Variants in ARHGAP39 observed in about 807,000 individuals in gnomAD.
ARHGAP39 encodes Rho GTPase activating protein 39, also known as rho GTPase-activating protein 39.
In ARHGAP39, 44 loss-of-function variants were observed where a neutral mutation model predicts 106.9. The ratio of observed to expected loss-of-function variants is 0.41; its 90% CI spans 0.32 to 0.53. The LOEUF (loss-of-function observed/expected upper bound fraction) is 0.53. ARHGAP39 is among the 20% of genes least tolerant of loss of function. The pLI, the probability that ARHGAP39 is intolerant of heterozygous loss-of-function variation, is 0.21. For missense variants in ARHGAP39, 1,496 were observed against 1,577.3 expected (o/e 0.95, Z 0.87); for synonymous variants, 768 against 693.2 (o/e 1.11, Z -1.69).
intron 3 of ARHGAP39, among the ~76,000 whole-genome samples, chr8:144,578,091 A>G (rs1818840468): frequency 6.6e-6 from 1 of 152,220 alleles, no homozygotes; most frequent in Non-Finnish European, 1.5e-5. Flanking sequence ...AAATTAGAAT[A>G]AAGCTGGAAG....
chr8:144,575,627 T>A (rs1443292949), intron 3 of ARHGAP39, among the ~76,000 whole-genome samples: 6 of 152,134 alleles, frequency 3.9e-5, no homozygotes, highest in African/African-American at 1.4e-4. Context: ...CAGCGCCGCC[T>A]TCTGGACACC....
chr8:144,579,402 A>G (rs957230132), intron 3 of ARHGAP39, among the ~76,000 whole-genome samples: 6 of 152,074 alleles, frequency 3.9e-5, no homozygotes, highest in Non-Finnish European at 8.8e-5. Flanking sequence ...TGTGAAATGT[A>G]GGCCCTGGTC....
At chr8:144,580,400 G>T (rs1217759777) in intron 3 of ARHGAP39, among the ~76,000 whole-genome samples, 2 of 152,220 alleles carry the variant, frequency 1.3e-5, no homozygotes, top group Non-Finnish European at 2.9e-5. Flanking sequence ...CCTGCCAGGG[G>T]CTGGGCCAGT....
intron 1 of ARHGAP39, among the ~76,000 whole-genome samples, chr8:144,626,606 C>T (rs559819426): frequency 6.7e-5 from 10 of 149,700 alleles, no homozygotes; most frequent in Admixed American, 2.6e-4. Flanking sequence ...CCGGCGGCCC[C>T]GTTCACGGAG....
rs758497562 is a variant in ARHGAP39 at position 144,545,364 on chromosome 8, G to C, written c.2406C>G (p.Ala802=). 4.4e-6 allele frequency: 7 copies of C among 1,601,494 alleles called. No homozygotes were observed. The South Asian group carries it at 7.7e-5, about 18-fold the overall frequency. The change falls in exon 6 of 12, where the codon GCC becomes GCG. Residue 802 remains alanine (A), a synonymous_variant. Transcript: ENST00000377307. ...AGATGGCCATGAGCTCCCAGCCGCG[G>C]GCCAGGCTCTCCAGGCGGAAGTTCT... ...TTENFRLESL[A]RGWELMAICL...
chr8:144,628,952 G>A (rs778222758), intron 1 of ARHGAP39, among the ~76,000 whole-genome samples: 6 of 152,216 alleles, frequency 3.9e-5, no homozygotes, highest in East Asian at 1.9e-4. Context: ...CCGGGAGGAC[G>A]CGTGCGATTC....
intron 2 of ARHGAP39, among the ~76,000 whole-genome samples, chr8:144,595,989 A>G (rs1481339069): frequency 2.6e-5 from 4 of 152,068 alleles, no homozygotes; most frequent in African/African-American, 9.7e-5. Context: ...CCCCACACCA[A>G]TCACCACAGA....
chr8:144,555,871 T>C (rs983191842), intron 3 of ARHGAP39, among the ~76,000 whole-genome samples: 1 of 152,216 alleles, frequency 6.6e-6, no homozygotes, highest in African/African-American at 2.4e-5. Flanking sequence ...GACACCTGGA[T>C]TTCAGAAGCT....
intron 3 of ARHGAP39, among the ~76,000 whole-genome samples, chr8:144,566,958 C>T (rs1261773736): frequency 6.6e-6 from 1 of 151,472 alleles, no homozygotes; most frequent in African/African-American, 2.4e-5. Flanking sequence ...AGAAATGATG[C>T]AAGCCAGAAG....
rs181884125 is a variant in ARHGAP39, at chr8:144,641,591, C to T, written c.-81-35896G>A. Among the ~76,000 whole-genome samples, 19 of 152,360 alleles carry T rather than the reference C, an allele frequency of 1.2e-4. No individual in the cohort carries two copies. The highest frequency in any genetic ancestry group is 4.6e-4 in the African/African-American group (19 of 41,592). On this transcript the variant is annotated intron_variant, in intron 1 of 11. Transcript: ENST00000377307. The surrounding 1 kb of genome is among the most constrained non-coding windows in gnomAD (Gnocchi z 5.2). ...TCACTCACCCCAGGACTCCATCCTC[C>T]CACACCCCTCAACTTCCAGCTTAGA...
At chr8:144,674,009 G>A (rs1822168782) in intron 1 of ARHGAP39, among the ~76,000 whole-genome samples, 1 of 152,232 alleles carries the variant, frequency 6.6e-6, no homozygotes, top group African/African-American at 2.4e-5. Flanking sequence ...GGAGATGCCA[G>A]GAACCACAGA....
intron 6 of ARHGAP39, among the ~76,000 whole-genome samples, chr8:144,544,591 C>A (rs967691072): frequency 1.3e-5 from 2 of 152,266 alleles, no homozygotes; most frequent in African/African-American, 4.8e-5. Flanking sequence ...ACGGGGCTGT[C>A]TGGCGGATGG....
At position 144,530,025 on chromosome 8, in the gene ARHGAP39, G is replaced by A. The variant is rs1011352495; in HGVS notation, c.*397C>T. 1 of 214,444 alleles carries A rather than the reference G, an allele frequency of 4.7e-6. No homozygotes were observed. The highest frequency in any genetic ancestry group is 9.3e-6 in the Non-Finnish European group (1 of 107,528). 13.3% of individuals were successfully genotyped at this position (214,444 alleles called of 1,614,324 possible). On this transcript the variant is annotated 3_prime_UTR_variant, in exon 12 of 12. Transcript: ENST00000377307. ...CAGGCCAGGACGAGGACAGGAGAAA[G>A]GGAAGGAGAGACCGGGGCGGCTGGG...
Position 144,545,736 on chromosome 8 carries a change from G to C in ARHGAP39, c.2034C>G (p.Cys678Trp). 3 of 1,611,602 alleles carry C rather than the reference G, an allele frequency of 1.9e-6. No individual in the cohort carries two copies. In the South Asian group the frequency reaches 3.3e-5, roughly 18 times the overall value. Residue 678 changes from cysteine (C) to tryptophan (W), a missense_variant, in exon 6 of 12, where the codon TGC becomes TGG. This residue lies in a region of ARHGAP39 where 905 missense variants were observed against 816.4 expected (regional missense o/e 1.11). Transcript: ENST00000377307. ...QSRSGVPSSS[C>W]VFPTFTLRKP... ...TGCGCAGCGTGAAAGTGGGGAAGACGCAGCTGGAGCTGGGAACGCCGCTGC... is the reference window on the plus strand; with the variant it reads ...TGCGCAGCGTGAAAGTGGGGAAGACCCAGCTGGAGCTGGGAACGCCGCTGC...
intron 2 of ARHGAP39, among the ~76,000 whole-genome samples, chr8:144,582,651 C>T (rs4925812): frequency 0.39 from 58,872 of 152,070 alleles, 13,257 homozygotes; most frequent in South Asian, 0.57. Flanking sequence ...CAGGGCCTTA[C>T]GTGGGGAAGG....
rs564126454 is a variant in ARHGAP39 at position 144,600,751 on chromosome 8, A to C, written c.80+4784T>G. ...GTGCGTGTTCAAGGCGTGCGTGCGC[A>C]CTTGTGTACCTACCTGCGTGTGCAT... On this transcript the variant is annotated intron_variant, in intron 2 of 11. Transcript: ENST00000377307. Among the ~76,000 whole-genome samples the C allele has an allele frequency of 3.5e-5, 5 of 141,504 alleles. No individual in the cohort carries two copies. The East Asian group carries it at 1.1e-3, about 32-fold the overall frequency. The allele number at this position is 141,504 out of a possible 152,430, so 92.8% of individuals were successfully genotyped here.
At chr8:144,602,629 G>A (rs1820069202) in intron 2 of ARHGAP39, among the ~76,000 whole-genome samples, 1 of 104,522 alleles carries the variant, frequency 9.6e-6, no homozygotes, top group Non-Finnish European at 2.2e-5. Flanking sequence ...TGTGTGCGTG[G>A]AGGCGTGTGT....
At chr8:144,611,981 C>A (rs181221818) in intron 1 of ARHGAP39, among the ~76,000 whole-genome samples, 4 of 150,492 alleles carry the variant, frequency 2.7e-5, no homozygotes, top group African/African-American at 9.8e-5. Context: ...TGTACTCCAA[C>A]CTGGGTGACA....
rs772017834 is a variant in ARHGAP39 at position 144,547,820 on chromosome 8, G to C, written c.1266C>G (p.Pro422=). ...AGPRHKYAPN[P]GGGSYSLQPS... is the part of the protein sequence containing the mutation. Reference sequence around the variant, plus strand: ...GCTGCAAGGAGTACGAACCACCGCCGGGGTTGGGCGCGTACTTGTGCCGCG... The same window carrying C: ...GCTGCAAGGAGTACGAACCACCGCCCGGGTTGGGCGCGTACTTGTGCCGCG... Residue 422 remains proline, a synonymous_variant, in exon 5 of 12, where the codon CCC becomes CCG. Coordinates refer to ENST00000377307, the MANE Select transcript of ARHGAP39 (RefSeq NM_025251.3). This position sits in a 1 kb window ranked among gnomAD's most constrained non-coding sequence, Gnocchi z 5.2. 94 of 1,591,212 alleles carry C rather than the reference G, an allele frequency of 5.9e-5. 1 individual carries two copies. The East Asian group carries it at 2.0e-3, about 33-fold the overall frequency.
Sources: allele counts gnomAD v4.1 joint callset (sites outside exome capture counted in the v4.1 genomes callset), GRCh38; gene constraint gnomAD v4.1.1; regional missense constraint gnomAD v4.1.1; non-coding constraint Gnocchi (gnomAD v3.1); transcripts MANE v1.5; gene names NCBI Gene and HGNC (gene_info 2026-07-23, HGNC 2026-07-21).